The following PRELID2 variants were observed in gnomAD, a reference collection of about 807,000 sequenced individuals.
The protein encoded by PRELID2 is PRELI domain containing 2.
Under a neutral mutation model 28.4 loss-of-function variants are expected in PRELID2, and 25 were observed. The observed-to-expected ratio is 0.88, with a 90% CI of 0.64 to 1.23. The LOEUF is 1.23. Ranked by LOEUF, PRELID2 falls within the 50% of genes most tolerant of loss-of-function variation. PRELID2 has a pLI of 0.00. For synonymous variants in PRELID2, 76 were observed against 71.6 expected, an observed-to-expected ratio of 1.06 and a Z score of -0.31; for missense variants, 201 against 214.4, an observed-to-expected ratio of 0.94 and a Z score of 0.39.
rs150608938 is a variant in PRELID2, at chr5:145,547,576, C to A, written n.71-74261G>T. Reference sequence around the variant, plus strand: ...TTTTCAGCCTGTGTTCTCTTGCAAGCGCAGTTGAACTAACTAAAAAAAAAA... The same window carrying A: ...TTTTCAGCCTGTGTTCTCTTGCAAGAGCAGTTGAACTAACTAAAAAAAAAA... On this transcript the variant is annotated intron_variant and non_coding_transcript_variant, in intron 1 of 2. Transcript: ENST00000510259. 2.6e-5 allele frequency among the ~76,000 whole-genome samples: 4 copies of A among 152,020 alleles called. No homozygotes were observed. In the East Asian group the frequency reaches 7.7e-4, roughly 29 times the overall value.
chr5:145,239,553 T>C, the PRELID2 span, among the ~76,000 whole-genome samples: 1 of 151,874 alleles, frequency 6.6e-6, no homozygotes, highest in African/African-American at 2.4e-5. Context: ...TTATAATAAA[T>C]ATAATGCAAT....
chr5:145,741,900 T>A (rs1439669050), intron 1 of PRELID2, among the ~76,000 whole-genome samples: 2 of 125,726 alleles, frequency 1.6e-5, no homozygotes, highest in Admixed American at 8.4e-5. Context: ...ATAATTTAAT[T>A]TAAATTTATA....
intron 1 of PRELID2, among the ~76,000 whole-genome samples, chr5:145,741,448 T>C (rs192495435): frequency 0.037 from 3,594 of 97,946 alleles, 106 homozygotes; most frequent in African/African-American, 0.08. Flanking sequence ...AATTTATTTA[T>C]AAATAATTTA....
intron 1 of PRELID2, among the ~76,000 whole-genome samples, chr5:145,735,795 T>C (rs780042394): frequency 1.6e-4 from 25 of 152,282 alleles, no homozygotes; most frequent in South Asian, 4.1e-4. Flanking sequence ...AGATAAGGCA[T>C]GTGGAAGTGC....
intron 1 of PRELID2, among the ~76,000 whole-genome samples, chr5:145,528,474 T>C (rs922095051): frequency 3.9e-5 from 6 of 152,112 alleles, no homozygotes; most frequent in Non-Finnish European, 7.4e-5. Flanking sequence ...TTTCTTTTCC[T>C]ATCATCAGCT....
At chr5:145,263,343 ATACT>A in the PRELID2 span, among the ~76,000 whole-genome samples, 22 of 152,110 alleles carry the variant, frequency 1.4e-4, no homozygotes, top group Non-Finnish European at 2.8e-4. Context: ...GACTTAACAG[ATACT>A]TACAGAACAT....
the PRELID2 span, among the ~76,000 whole-genome samples, chr5:145,443,028 C>T: frequency 6.6e-6 from 1 of 152,086 alleles, no homozygotes; most frequent in Non-Finnish European, 1.5e-5. Context: ...AGGCTCTCCA[C>T]AAGGGTCGCA....
chr5:145,719,162 C>G lies in PRELID2; in HGVS notation n.70+45769G>C, dbSNP rs1755919994. ...TGGAAGACAGAGAACACTAGCTCCC[C>G]CTGAAGGCATTTGTAGAGAATGTGG... is the stretch of plus-strand genomic sequence containing the variant. On this transcript the variant is annotated intron_variant and non_coding_transcript_variant, in intron 1 of 2. Transcript: ENST00000510259. Among the ~76,000 whole-genome samples, 3 of 152,004 alleles carry G rather than the reference C, an allele frequency of 2.0e-5. No individual in the cohort carries two copies. The South Asian group carries it at 6.2e-4, about 31-fold the overall frequency.
At chr5:145,247,383 C>T in the PRELID2 span, among the ~76,000 whole-genome samples, 15 of 152,082 alleles carry the variant, frequency 9.9e-5, no homozygotes, top group Non-Finnish European at 1.0e-4. Flanking sequence ...CCTGTTTTGA[C>T]AAATTGGCTC....
At chr5:145,438,780 T>C in the PRELID2 span, among the ~76,000 whole-genome samples, 1 of 152,268 alleles carries the variant, frequency 6.6e-6, no homozygotes, top group Non-Finnish European at 1.5e-5. Context: ...ACTGCAGCTA[T>C]TGACTTGGAA....
chr5:145,604,981 GTC>G (rs1203514372), intron 1 of PRELID2, among the ~76,000 whole-genome samples: 2 of 147,848 alleles, frequency 1.4e-5, no homozygotes, highest in African/African-American at 5.0e-5. Flanking sequence ...TTTGAAAAGT[GTC>G]TGTTCATGGT....
chr5:145,597,247 A>C (rs1239729070), intron 1 of PRELID2, among the ~76,000 whole-genome samples: 1 of 152,214 alleles, frequency 6.6e-6, no homozygotes, highest in African/African-American at 2.4e-5. Flanking sequence ...AACTAAATGT[A>C]GTAACTGTAC....
chr5:145,808,992 T>C (rs1157766656), intron 4 of PRELID2, among the ~76,000 whole-genome samples: 1 of 151,368 alleles, frequency 6.6e-6, no homozygotes, highest in East Asian at 1.9e-4. Flanking sequence ...AGGGATATAT[T>C]CAAATTATTA....
At chr5:145,431,468 G>A in the PRELID2 span, among the ~76,000 whole-genome samples, 1 of 152,086 alleles carries the variant, frequency 6.6e-6, no homozygotes, top group Non-Finnish European at 1.5e-5. Flanking sequence ...GAATTTCAAA[G>A]GGAAAAGTGT....
At chr5:145,715,758 C>T (rs185151793) in intron 1 of PRELID2, among the ~76,000 whole-genome samples, 1 of 152,168 alleles carries the variant, frequency 6.6e-6, no homozygotes, top group Non-Finnish European at 1.5e-5. Flanking sequence ...CTATGAGTGT[C>T]CCATGGATGG....
chr5:145,755,600 G>T (rs1757235390), downstream of PRELID2, among the ~76,000 whole-genome samples: 1 of 152,084 alleles, frequency 6.6e-6, no homozygotes, highest in African/African-American at 2.4e-5. Context: ...CTAAATGGCT[G>T]GTATCATTGC....
At chr5:145,466,875 C>A (rs1380507343), downstream of PRELID2, among the ~76,000 whole-genome samples, 1 of 152,102 alleles carries the variant, frequency 6.6e-6, no homozygotes, top group Non-Finnish European at 1.5e-5. Flanking sequence ...TCTACCATTA[C>A]AACCTCACAC....
chr5:145,298,512 G>C, the PRELID2 span, among the ~76,000 whole-genome samples: 2 of 152,184 alleles, frequency 1.3e-5, no homozygotes, highest in South Asian at 4.1e-4. Flanking sequence ...GTTTTAAGAG[G>C]AGGGATTTTA....
chr5:145,409,612 T>C, the PRELID2 span, among the ~76,000 whole-genome samples: 1 of 150,798 alleles, frequency 6.6e-6, no homozygotes. Flanking sequence ...GCAATAACAG[T>C]TAAAAAAAGA....
Sources: gnomAD v4.1 joint callset for allele counts (sites outside exome capture counted in the v4.1 genomes callset) on GRCh38, gnomAD v4.1.1 for gene constraint, MANE v1.5 for transcripts, NCBI Gene and HGNC (gene_info 2026-07-23, HGNC 2026-07-21) for gene names.